Variants in EDIL3 observed in about 807,000 individuals in gnomAD.
EDIL3 encodes the protein EGF-like repeat and discoidin I-like domain-containing protein 3.
A neutral mutation model predicts 67.4 loss-of-function variants in EDIL3; 37 were observed. The observed-to-expected ratio is 0.55, with a 90% confidence interval of 0.42 to 0.72. The LOEUF is 0.72. Ranked by LOEUF, EDIL3 falls within the 30% of genes least tolerant of loss-of-function variation. The pLI, the probability that EDIL3 is intolerant of heterozygous loss-of-function variation, is 0.00. For synonymous variants in EDIL3, 195 were observed against 196.3 expected, an observed-to-expected ratio of 0.99 and a Z score of 0.05; for missense variants, 527 against 586.3, an observed-to-expected ratio of 0.90 and a Z score of 1.04.
At chr5:84,111,575 C>A (rs1191374636) in intron 5 of EDIL3, among the ~76,000 whole-genome samples, 1 of 152,070 alleles carries the variant, frequency 6.6e-6, no homozygotes, top group Non-Finnish European at 1.5e-5. Flanking sequence ...CAGAAAAGGT[C>A]TATGCTCTTA....
intron 8 of EDIL3, among the ~76,000 whole-genome samples, chr5:84,063,036 G>A (rs770783360): frequency 8.5e-5 from 13 of 152,192 alleles, no homozygotes; most frequent in Non-Finnish European, 1.5e-4. Context: ...GCTGTGCTGG[G>A]AGATGCAGCA....
intron 7 of EDIL3, among the ~76,000 whole-genome samples, 195 bp from the exon 8 acceptor site, chr5:84,065,039 A>G (rs1746613196): frequency 6.6e-6 from 1 of 152,314 alleles, no homozygotes; most frequent in South Asian, 2.1e-4. Flanking sequence ...AATTAAAGCC[A>G]TAAACCACTG....
Position 84,235,996 on chromosome 5 carries a change from A to T in EDIL3, c.197-6112T>A, listed in dbSNP as rs560309884. On this transcript the variant is annotated intron_variant, in intron 2 of 10. Coordinates refer to ENST00000296591, the MANE Select transcript of EDIL3 (RefSeq NM_005711.5). ...AATTAAGTAGATTCATTTAAACAGA[A>T]CCACAAAATGTACTTTTAATGTTTA... 2.0e-5 allele frequency among the ~76,000 whole-genome samples: 3 copies of T among 152,198 alleles called. No individual in the cohort carries two copies. The South Asian group carries it at 6.2e-4, about 32-fold the overall frequency.
At chr5:84,210,363 T>C (rs1206682430) in intron 3 of EDIL3, among the ~76,000 whole-genome samples, 2 of 152,132 alleles carry the variant, frequency 1.3e-5, no homozygotes, top group African/African-American at 4.8e-5. Flanking sequence ...TAGTTTTTTG[T>C]AATCTCATGC....
chr5:83,951,188 G>C (rs373555225), intron 10 of EDIL3, among the ~76,000 whole-genome samples: 1 of 151,704 alleles, frequency 6.6e-6, no homozygotes, highest in East Asian at 2.0e-4. Context: ...TCTTTCACAC[G>C]GGCATGATCC....
At chr5:84,066,335 G>T (rs986831105) in intron 7 of EDIL3, 116 bp downstream of exon 7, 2 of 1,136,176 alleles carry the variant, frequency 1.8e-6, no homozygotes, top group African/African-American at 1.6e-5. Context: ...AAAACAAGAC[G>T]CATTGGTAAT....
At chr5:84,022,068 C>T (rs1745727354) in intron 9 of EDIL3, among the ~76,000 whole-genome samples, 1 of 151,774 alleles carries the variant, frequency 6.6e-6, no homozygotes, top group Admixed American at 6.6e-5. Context: ...TTCTATGAGG[C>T]CAGTATTATC....
At chr5:84,364,384 C>T (rs1341122713) in intron 1 of EDIL3, among the ~76,000 whole-genome samples, 1 of 152,136 alleles carries the variant, frequency 6.6e-6, no homozygotes, top group African/African-American at 2.4e-5. Flanking sequence ...ATTCATATTG[C>T]TTTGGAAATT....
At chr5:84,227,799 G>A (rs914663823) in intron 3 of EDIL3, among the ~76,000 whole-genome samples, 1 of 152,050 alleles carries the variant, frequency 6.6e-6, no homozygotes, top group Non-Finnish European at 1.5e-5. Context: ...TGGAGGCCAT[G>A]ATTCAAAAAT....
intron 9 of EDIL3, among the ~76,000 whole-genome samples, chr5:84,002,307 T>C (rs1745345781): frequency 7.3e-6 from 1 of 136,422 alleles, no homozygotes; most frequent in Admixed American, 6.9e-5. Context: ...AAGCCATACG[T>C]GACACACTCA....
intron 1 of EDIL3, among the ~76,000 whole-genome samples, chr5:84,278,723 C>G (rs747251667): frequency 1.1e-4 from 16 of 152,162 alleles, no homozygotes; most frequent in Non-Finnish European, 1.8e-4. Flanking sequence ...ATGCATAACA[C>G]ATTTACCCTG....
At chr5:84,007,710 C>T (rs1745443271) in intron 9 of EDIL3, among the ~76,000 whole-genome samples, 1 of 152,108 alleles carries the variant, frequency 6.6e-6, no homozygotes, top group Admixed American at 6.6e-5. Context: ...CTTTGGAGAA[C>T]AGTATGGAGA....
At chr5:84,150,871 A>G (rs1231696728) in intron 4 of EDIL3, among the ~76,000 whole-genome samples, 2 of 152,220 alleles carry the variant, frequency 1.3e-5, no homozygotes, top group African/African-American at 4.8e-5. Context: ...CAAACCTGAG[A>G]CAACCTGATC....
chr5:83,989,482 T>C (rs1003116201), intron 9 of EDIL3, among the ~76,000 whole-genome samples: 1 of 152,212 alleles, frequency 6.6e-6, no homozygotes. Flanking sequence ...GCATTGCTCC[T>C]TATCTCCTGG....
chr5:84,173,748 C>T (rs902983537), intron 4 of EDIL3, among the ~76,000 whole-genome samples: 26 of 152,190 alleles, frequency 1.7e-4, no homozygotes, highest in Admixed American at 1.7e-3. Context: ...TCCCCCTCCT[C>T]AGCTGGGTGA....
At chr5:84,162,327 G>T (rs1026678040) in intron 4 of EDIL3, among the ~76,000 whole-genome samples, 2 of 152,070 alleles carry the variant, frequency 1.3e-5, no homozygotes, top group East Asian at 1.9e-4. Context: ...AGGACAAGGG[G>T]TCCCTCCTGG....
chr5:84,209,170 A>C (rs992351486), intron 3 of EDIL3, among the ~76,000 whole-genome samples: 3 of 151,922 alleles, frequency 2.0e-5, no homozygotes, highest in Admixed American at 6.6e-5. Context: ...ATGGGAATTG[A>C]ACAATGAGAA....
chr5:84,218,869 G>A (rs1472296914), intron 3 of EDIL3, among the ~76,000 whole-genome samples: 2 of 152,168 alleles, frequency 1.3e-5, no homozygotes, highest in African/African-American at 4.8e-5. Flanking sequence ...ACTTTGTCTT[G>A]TGCCTTCTGT....
chr5:84,010,088 T>A (rs1211768764), intron 9 of EDIL3, among the ~76,000 whole-genome samples: 1 of 152,184 alleles, frequency 6.6e-6, no homozygotes, highest in Non-Finnish European at 1.5e-5. Flanking sequence ...ATGCCAACAT[T>A]CGTGCCTACA....
Sources: gnomAD v4.1 joint callset for allele counts (sites outside exome capture counted in the v4.1 genomes callset) on GRCh38, gnomAD v4.1.1 for gene constraint, MANE v1.5 for transcripts, NCBI Gene and HGNC (gene_info 2026-07-23, HGNC 2026-07-21) for gene names.